STPG2: variants seen among roughly 807,000 people sequenced by gnomAD.
STPG2 encodes the protein sperm-tail PG-rich repeat-containing protein 2.
A neutral mutation model predicts 54.2 loss-of-function variants in STPG2; 56 were observed. The observed-to-expected ratio is 1.03, with a 90% CI of 0.83 to 1.29. The LOEUF is 1.29. Among genes scored for constraint, STPG2 ranks in the 50% most tolerant of loss-of-function variants. The pLI is 0.00. For missense variants in STPG2, 596 were observed against 544.9 expected (o/e 1.09, Z -0.93); for synonymous variants, 200 against 181.8 (o/e 1.10, Z -0.81).
chr4:97,681,300 G>A (rs1248143348), intron 10 of STPG2, among the ~76,000 whole-genome samples: 1 of 151,702 alleles, frequency 6.6e-6, no homozygotes, highest in African/African-American at 2.4e-5. Flanking sequence ...TTTTATGTTC[G>A]ATATAGAACA....
intron 8 of STPG2, among the ~76,000 whole-genome samples, chr4:97,852,737 A>C (rs940833392): frequency 6.6e-6 from 1 of 152,270 alleles, no homozygotes; most frequent in East Asian, 1.9e-4. Context: ...GTAAAGAGAA[A>C]GGAGAAAAAT....
intron 10 of STPG2, among the ~76,000 whole-genome samples, chr4:97,617,759 A>T (rs1733911512): frequency 6.6e-6 from 1 of 152,170 alleles, no homozygotes; most frequent in Admixed American, 6.6e-5. Flanking sequence ...CAGGAAAGAA[A>T]TGTGAGTTAG....
chr4:97,815,161 G>T (rs886915685), intron 9 of STPG2, among the ~76,000 whole-genome samples: 1 of 152,242 alleles, frequency 6.6e-6, no homozygotes, highest in East Asian at 1.9e-4. Context: ...TAATGGTAGC[G>T]AAAGAAAGTA....
chr4:97,678,524 C>T lies in STPG2; in HGVS notation c.1320+34175G>A, dbSNP rs554777346. ...TCAGCACTTACCATGCACCATACAGCCTAGATACTTTTTTCGTAACCCATA... is the reference window on the plus strand; with the variant it reads ...TCAGCACTTACCATGCACCATACAGTCTAGATACTTTTTTCGTAACCCATA... On this transcript the variant is annotated intron_variant, in intron 10 of 10. Coordinates refer to ENST00000295268, the MANE Select transcript of STPG2 (RefSeq NM_174952.3). 2.0e-5 allele frequency among the ~76,000 whole-genome samples: 3 copies of T among 152,076 alleles called. No individual in the cohort carries two copies. The East Asian group carries it at 5.8e-4, about 29-fold the overall frequency.
At chr4:98,126,528 G>A (rs776299320) in intron 3 of STPG2, among the ~76,000 whole-genome samples, 1 of 152,112 alleles carries the variant, frequency 6.6e-6, no homozygotes, top group African/African-American at 2.4e-5. Flanking sequence ...CTCCCAGGTG[G>A]GCCATCATCA....
intron 4 of STPG2, among the ~76,000 whole-genome samples, chr4:97,540,473 G>A (rs1049852052): frequency 2.0e-4 from 30 of 152,120 alleles, no homozygotes; most frequent in African/African-American, 7.2e-4. Context: ...TGAAATTGAG[G>A]TAATAATTAA....
intron 8 of STPG2, among the ~76,000 whole-genome samples, chr4:97,882,111 G>C (rs1394443313): frequency 6.6e-6 from 1 of 152,112 alleles, no homozygotes; most frequent in Non-Finnish European, 1.5e-5. Flanking sequence ...CACCACATAA[G>C]CTGGTATGAG....
chr4:97,483,536 C>T (rs1730276583), intron 4 of STPG2, among the ~76,000 whole-genome samples: 1 of 151,532 alleles, frequency 6.6e-6, no homozygotes, highest in Non-Finnish European at 1.5e-5. Context: ...TAATCCTAAA[C>T]ATATATGCAC....
chr4:97,606,269 T>C (rs1733589703), intron 10 of STPG2, among the ~76,000 whole-genome samples: 1 of 151,898 alleles, frequency 6.6e-6, no homozygotes, highest in African/African-American at 2.4e-5. Flanking sequence ...TGTTAAATAT[T>C]CCTATTTTTA....
At chr4:97,747,463 G>A (rs1438219236) in intron 9 of STPG2, among the ~76,000 whole-genome samples, 2 of 151,262 alleles carry the variant, frequency 1.3e-5, no homozygotes, top group African/African-American at 4.8e-5. Flanking sequence ...TTTAATTTCT[G>A]TCCCAATTTT....
intron 5 of STPG2, among the ~76,000 whole-genome samples, chr4:98,093,446 T>A (rs572829422): frequency 6.6e-6 from 1 of 152,274 alleles, no homozygotes; most frequent in African/African-American, 2.4e-5. Flanking sequence ...TGTTGCAATA[T>A]CAGAAAATGC....
At chr4:97,587,328 T>C (rs2148895498) in intron 10 of STPG2, among the ~76,000 whole-genome samples, 1 of 152,128 alleles carries the variant, frequency 6.6e-6, no homozygotes, top group East Asian at 1.9e-4. Flanking sequence ...TAGGTACCAT[T>C]GTAGCCCACA....
At position 97,915,596 on chromosome 4, in the gene STPG2, C is replaced by A. The variant is rs181280653; in HGVS notation, c.1044+28301G>T. On this transcript the variant is annotated intron_variant, in intron 8 of 10. Transcript: ENST00000295268. ...CTTGCCTGAGGGTAAAGGCACATGA[C>A]AAAGGTAGGTCTTAGAGGTCAGGAA... 2.6e-3 allele frequency among the ~76,000 whole-genome samples: 397 copies of A among 151,958 alleles called. 3 individuals carry two copies. Among genetic ancestry groups the A allele is most frequent in the African/African-American group, 8.9e-3 (370 of 41,446 alleles).
At chr4:97,851,029 C>G (rs1043829962) in intron 8 of STPG2, among the ~76,000 whole-genome samples, 2 of 152,158 alleles carry the variant, frequency 1.3e-5, no homozygotes, top group African/African-American at 2.4e-5. Context: ...ACTTTAGTCT[C>G]TAATTCTTGT....
intron 3 of STPG2, among the ~76,000 whole-genome samples, chr4:98,120,874 T>A (rs1560688706): frequency 6.6e-6 from 1 of 152,198 alleles, no homozygotes. Context: ...GTGCTGATGA[T>A]AAGTTTCTTT....
At chr4:97,814,390 G>A (rs1464604920) in intron 9 of STPG2, among the ~76,000 whole-genome samples, 6 of 152,054 alleles carry the variant, frequency 3.9e-5, no homozygotes, top group Non-Finnish European at 5.9e-5. Context: ...GTGCAGTGGT[G>A]CAATCTCGGC....
At chr4:97,604,366 T>C (rs1733540665) in intron 10 of STPG2, among the ~76,000 whole-genome samples, 1 of 151,760 alleles carries the variant, frequency 6.6e-6, no homozygotes. Flanking sequence ...AATTGAAGAG[T>C]GCTCCTTGAA....
chr4:97,863,642 C>A (rs930570647), intron 8 of STPG2, among the ~76,000 whole-genome samples: 3 of 151,830 alleles, frequency 2.0e-5, no homozygotes, highest in African/African-American at 7.3e-5. Flanking sequence ...AGAGACACAA[C>A]AAAAAAAGAG....
intron 4 of STPG2, among the ~76,000 whole-genome samples, chr4:97,489,430 A>G (rs1316343532): frequency 6.6e-6 from 1 of 151,700 alleles, no homozygotes; most frequent in African/African-American, 2.4e-5. Context: ...CCCCAAGGCT[A>G]GTACCACCTA....
Sources: allele counts gnomAD v4.1 joint callset (sites outside exome capture counted in the v4.1 genomes callset), GRCh38; gene constraint gnomAD v4.1.1; transcripts MANE v1.5; gene names NCBI Gene and HGNC (gene_info 2026-07-23, HGNC 2026-07-21).